The following PRKG1 variants were observed in gnomAD, a reference collection of about 807,000 sequenced individuals.
The protein encoded by PRKG1 is cGMP-dependent protein kinase 1.
A neutral mutation model predicts 88.1 loss-of-function variants in PRKG1; 35 were observed. The observed-to-expected ratio is 0.40, with a 90% CI of 0.30 to 0.53. The LOEUF is 0.53. PRKG1 is among the 20% of genes least tolerant of loss of function. The probability of loss-of-function intolerance (pLI) is 0.59; values close to 1 mark genes in which losing one functional copy is unlikely to be tolerated. For synonymous variants in PRKG1, 303 were observed against 292.5 expected (o/e 1.04, Z -0.37); for missense variants, 540 against 839.8 (o/e 0.64, Z 4.41).
intron 3 of PRKG1, among the ~76,000 whole-genome samples, chr10:51,488,709 C>T (rs1840616180): frequency 6.6e-6 from 1 of 152,126 alleles, no homozygotes; most frequent in Non-Finnish European, 1.5e-5. Context: ...CACACACACA[C>T]ATCATCTAGA....
At chr10:51,672,106 G>A (rs1330672218) in intron 3 of PRKG1, among the ~76,000 whole-genome samples, 1 of 151,116 alleles carries the variant, frequency 6.6e-6, no homozygotes, top group Admixed American at 6.6e-5. Flanking sequence ...ATTTCTTTAT[G>A]TTGATCTCAT....
chr10:51,073,525 C>T (rs1564588944), upstream of PRKG1, among the ~76,000 whole-genome samples: 1 of 152,110 alleles, frequency 6.6e-6, no homozygotes, highest in Non-Finnish European at 1.5e-5. Context: ...AAGCAAGGCC[C>T]ATCCGAGAAC....
At chr10:51,303,224 ATTC>A (rs1391447877) in intron 2 of PRKG1, among the ~76,000 whole-genome samples, 3 of 152,062 alleles carry the variant, frequency 2.0e-5, no homozygotes, top group African/African-American at 7.3e-5. Context: ...ATCCTCCTCT[ATTC>A]TTTTCTCTCA....
intron 5 of PRKG1, among the ~76,000 whole-genome samples, chr10:51,978,080 T>G (rs1184520028): frequency 1.3e-5 from 2 of 152,142 alleles, no homozygotes; most frequent in African/African-American, 4.8e-5. Context: ...CTATGTCGTC[T>G]TCCAGGTTTT....
At chr10:51,984,501 A>T (rs1844098726) in intron 5 of PRKG1, among the ~76,000 whole-genome samples, 1 of 152,216 alleles carries the variant, frequency 6.6e-6, no homozygotes, top group Admixed American at 6.5e-5. Context: ...GCACAATTGT[A>T]AGTAGCTCAA....
chr10:51,392,804 C>CG lies in PRKG1; in HGVS notation c.479-74913dup, dbSNP rs1404427715. On this transcript the variant is annotated intron_variant, in intron 2 of 17. Transcript: ENST00000373980. ...CTCCCGGACGGGGCGGCTGGCCGGG[C>CG]GGGGGGCTGACCCCCCACCTCCCTC... Among the ~76,000 whole-genome samples the CG allele has an allele frequency of 4.1e-5, 6 of 145,912 alleles. No homozygotes were observed. In the South Asian group the frequency reaches 1.3e-3, roughly 32 times the overall value.
At chr10:51,817,425 G>A (rs897364163) in intron 4 of PRKG1, among the ~76,000 whole-genome samples, 2 of 135,746 alleles carry the variant, frequency 1.5e-5, no homozygotes, top group Admixed American at 9.3e-5. Context: ...TTCAACTCCC[G>A]CTTATGAGTG....
At chr10:51,096,415 G>T (rs1309097481) in intron 1 of PRKG1, among the ~76,000 whole-genome samples, 7 of 152,192 alleles carry the variant, frequency 4.6e-5, no homozygotes, top group African/African-American at 1.7e-4. Context: ...GCAAAAACTG[G>T]ATAGTTAGTA....
intron 5 of PRKG1, among the ~76,000 whole-genome samples, chr10:52,045,529 G>T (rs907890080): frequency 1.3e-5 from 2 of 152,026 alleles, no homozygotes; most frequent in Non-Finnish European, 2.9e-5. Flanking sequence ...AAAGGAATGT[G>T]ACAAGGGACA....
At chr10:51,676,613 T>C (rs1425384655) in intron 3 of PRKG1, among the ~76,000 whole-genome samples, 1 of 152,170 alleles carries the variant, frequency 6.6e-6, no homozygotes, top group East Asian at 1.9e-4. Context: ...GTACCTCCAT[T>C]TCCCTGTATA....
intron 2 of PRKG1, among the ~76,000 whole-genome samples, chr10:51,237,645 T>C (rs971036812): frequency 2.0e-5 from 3 of 152,204 alleles, no homozygotes; most frequent in Admixed American, 2.0e-4. Flanking sequence ...CTTCGATCTT[T>C]GAGAATAATT....
intron 3 of PRKG1, among the ~76,000 whole-genome samples, chr10:51,798,603 G>A (rs2132598843): frequency 6.6e-6 from 1 of 152,072 alleles, no homozygotes; most frequent in African/African-American, 2.4e-5. Flanking sequence ...ACTCAGCCTG[G>A]TACATTTATT....
At chr10:51,845,125 A>G (rs1296399573) in intron 4 of PRKG1, among the ~76,000 whole-genome samples, 1 of 152,128 alleles carries the variant, frequency 6.6e-6, no homozygotes, top group African/African-American at 2.4e-5. Context: ...CTCTCAGTAT[A>G]TCCTTTTTGT....
At chr10:51,729,893 TAGC>T (rs145962985) in intron 3 of PRKG1, among the ~76,000 whole-genome samples, 3,358 of 152,140 alleles carry the variant, frequency 0.022, 133 homozygotes, top group African/African-American at 0.076. Context: ...ACAGCAAAAT[TAGC>T]AGATGATCCA....
At chr10:51,403,762 A>T (rs963642077) in intron 2 of PRKG1, among the ~76,000 whole-genome samples, 4 of 152,178 alleles carry the variant, frequency 2.6e-5, no homozygotes, top group African/African-American at 9.7e-5. Context: ...GAAGTATGGG[A>T]TGATTTGCTG....
intron 2 of PRKG1, among the ~76,000 whole-genome samples, chr10:51,450,027 T>C (rs1411644439): frequency 6.6e-6 from 1 of 151,948 alleles, no homozygotes; most frequent in African/African-American, 2.4e-5. Context: ...AGATAAATGA[T>C]TTAGGACATG....
chr10:51,625,423 G>C (rs1237565388), intron 3 of PRKG1, among the ~76,000 whole-genome samples: 1 of 152,214 alleles, frequency 6.6e-6, no homozygotes, highest in Non-Finnish European at 1.5e-5. Context: ...GTTGCAGTGA[G>C]CTGAGACTGT....
intron 7 of PRKG1, among the ~76,000 whole-genome samples, chr10:52,101,439 C>G (rs948579653): frequency 2.0e-5 from 3 of 152,178 alleles, no homozygotes; most frequent in Admixed American, 6.5e-5. Context: ...CATTTCCCTA[C>G]TCATATATTG....
At chr10:51,856,966 T>TG (rs1830105045) in intron 4 of PRKG1, among the ~76,000 whole-genome samples, 1 of 96,780 alleles carries the variant, frequency 1.0e-5, no homozygotes. Flanking sequence ...TCCGTCTTAC[T>TG]AAAAAAAAGA....
Sources: gnomAD v4.1 joint callset for allele counts (sites outside exome capture counted in the v4.1 genomes callset) on GRCh38, gnomAD v4.1.1 for gene constraint, MANE v1.5 for transcripts, NCBI Gene and HGNC (gene_info 2026-07-23, HGNC 2026-07-21) for gene names.